Variants in DMXL1 observed in about 807,000 individuals in gnomAD.
The protein encoded by DMXL1 is dmX-like protein 1.
In DMXL1, 99 loss-of-function variants were observed where a neutral mutation model predicts 319.2. That is an observed-to-expected ratio of 0.31 (90% CI 0.26 to 0.37). The LOEUF (loss-of-function observed/expected upper bound fraction) is 0.37. Ranked by LOEUF, DMXL1 falls within the 10% of genes least tolerant of loss-of-function variation. DMXL1 has a pLI of 1.00. For missense variants in DMXL1, 3,745 were observed against 3,595.6 expected (o/e 1.04, Z -1.06); for synonymous variants, 1,385 against 1,235.2 (o/e 1.12, Z -2.54).
In DMXL1 at chr5:119,134,101, C is replaced by T. The variant is rs1312697686; in HGVS notation, c.2177C>T (p.Ala726Val). The change falls in exon 12 of 44, where the codon GCC (alanine) becomes GTC (valine). Residue 726 changes from alanine (A) to valine (V), a missense_variant. This residue lies in a region of DMXL1 where 2,096 missense variants were observed against 1,985.4 expected (regional missense o/e 1.06). Transcript: ENST00000539542. ...TTTTCTGGAGGAGTTTCTGAGCTTG[C>T]CCGGATTAATTCTCTTCATGTTTCT... ...LSFSGGVSELARINSLHVSAF... is the reference protein window; with the variant it reads ...LSFSGGVSELVRINSLHVSAF... The T allele has an allele frequency of 6.2e-7, 1 of 1,614,028 alleles. No individual in the cohort carries two copies. The highest frequency in any genetic ancestry group is 8.5e-7 in the Non-Finnish European group (1 of 1,180,038).
chr5:119,175,198 C>G, intron 25 of DMXL1, 63 bp from the exon 26 acceptor site: 1 of 1,311,396 alleles, frequency 7.6e-7, no homozygotes, highest in Non-Finnish European at 1.1e-6. Flanking sequence ...TATATTAGGT[C>G]TTGAAAAAAA....
In DMXL1 at chr5:119,096,638, AC is replaced by A. The variant is rs542015287; in HGVS notation, c.88-1338del. ...ATGAATCCTAGGAGAACAACCATGT[AC>A]CCTGTAATGGAAAAAACTCCCGTGA... On this transcript the variant is annotated intron_variant, in intron 1 of 43. Transcript: ENST00000539542. 6.4e-3 allele frequency among the ~76,000 whole-genome samples: 974 copies of A among 152,288 alleles called. 9 individuals carry two copies. Among genetic ancestry groups the A allele is most frequent in the Admixed American group, 0.012 (185 of 15,286 alleles).
At chr5:119,162,162 C>T (rs1261387123) in intron 19 of DMXL1, among the ~76,000 whole-genome samples, 1 of 152,124 alleles carries the variant, frequency 6.6e-6, no homozygotes, top group Non-Finnish European at 1.5e-5. Context: ...GGGATGGGAA[C>T]AGGTGATGTG....
chr5:119,122,709 G>T (rs187067824), intron 9 of DMXL1, among the ~76,000 whole-genome samples: 1 of 151,752 alleles, frequency 6.6e-6, no homozygotes, highest in African/African-American at 2.4e-5. Context: ...CAGACGGGGC[G>T]GCGGGGCAGA....
chr5:119,088,839 A>G (rs572448940), intron 1 of DMXL1, among the ~76,000 whole-genome samples: 18 of 152,146 alleles, frequency 1.2e-4, no homozygotes, highest in Non-Finnish European at 1.8e-4. Context: ...TGTCTCTTAA[A>G]AAGTTATTGT....
intron 9 of DMXL1, chr5:119,127,283 C>T (rs1763808031): frequency 4.5e-6 from 1 of 223,328 alleles, no homozygotes; most frequent in East Asian, 1.1e-4. Flanking sequence ...TCCTCTGACT[C>T]TCTTGCCATT....
intron 5 of DMXL1, among the ~76,000 whole-genome samples, chr5:119,111,654 C>G (rs1759629529): frequency 6.6e-6 from 1 of 152,038 alleles, no homozygotes; most frequent in African/African-American, 2.4e-5. Context: ...TTCTATAAAG[C>G]AAATTGTCCA....
In DMXL1 at chr5:119,121,073, A is replaced by G. The variant is rs145511612; in HGVS notation, c.1036A>G (p.Asn346Asp). The change falls in exon 9 of 44, where the codon AAC (asparagine) becomes GAC (aspartate). Residue 346 changes from asparagine (N) to aspartate (D), a missense_variant. Coordinates refer to ENST00000539542, the MANE Select transcript of DMXL1 (RefSeq NM_001290321.3). ...HQQDPHHVHR[N>D]TPLHANALCH... ...GCAGGATCCTCATCATGTTCACAGG[A>G]ACACTCCACTGCATGCCAATGCACT... is the stretch of plus-strand genomic sequence containing the variant. The G allele has an allele frequency of 9.9e-6, 16 of 1,613,416 alleles. No homozygotes were observed. The African/African-American group carries it at 1.9e-4, about 19-fold the overall frequency.
chr5:119,129,175 TA>T, intron 9 of DMXL1, 35 bp from the exon 10 acceptor site: 1 of 1,372,448 alleles, frequency 7.3e-7, no homozygotes, highest in Non-Finnish European at 1.0e-6. Context: ...TGCTAGAAGG[TA>T]AAAATTTTAA....
rs139865897 is a variant in DMXL1 at position 119,220,544 on chromosome 5, A to G, written c.8086A>G (p.Thr2696Ala). 1 of 1,613,990 alleles carries G rather than the reference A, an allele frequency of 6.2e-7. No homozygotes were observed. The highest frequency in any genetic ancestry group is 1.3e-5 in the African/African-American group (1 of 75,062). The part of the protein sequence containing the change: ...QELDVSGILA[T>A]QVYTWVDDDI... ...ACTGGATGTTTCTGGAATTCTGGCC[A>G]CACAGGTCTACACTTGGGTAGATGA... is the stretch of plus-strand genomic sequence containing the variant. The change falls in exon 36 of 44, where the codon ACA (threonine) becomes GCA (alanine). Residue 2696 changes from threonine to alanine, a missense_variant. Around this residue, in one of 4 missense-constraint regions of DMXL1, gnomAD observed 1,382 missense variants for 1,269.5 expected, o/e 1.09. Transcript: ENST00000539542.
chr5:119,222,144 T>C (rs1290593278), intron 37 of DMXL1, among the ~76,000 whole-genome samples: 1 of 152,156 alleles, frequency 6.6e-6, no homozygotes, highest in Non-Finnish European at 1.5e-5. Flanking sequence ...CCTAATGGAG[T>C]TCCTTTATAG....
At position 119,149,193 on chromosome 5, in the gene DMXL1, A is replaced by G; in HGVS notation, c.3366A>G (p.Gln1122=). 6.2e-7 allele frequency: 1 copy of G among 1,613,934 alleles called. No homozygotes were observed. The highest frequency in any genetic ancestry group is 8.5e-7 in the Non-Finnish European group (1 of 1,179,848). Residue 1122 remains glutamine (Q), a synonymous_variant, in exon 18 of 44, where the codon CAA becomes CAG. Coordinates refer to ENST00000539542, the MANE Select transcript of DMXL1 (RefSeq NM_001290321.3). ...GCAATTTAGTGGCCTATAATAAACA[A>G]GACATGTATTTATCTAGTAAAGAGA... ...VDSNLVAYNK[Q]DMYLSSKENI...
chr5:119,159,224 C>T (rs539562112), intron 19 of DMXL1, among the ~76,000 whole-genome samples: 6 of 152,092 alleles, frequency 3.9e-5, no homozygotes, highest in Admixed American at 2.0e-4. Context: ...CTTCTGCCCC[C>T]GGGTTTCAGG....
intron 29 of DMXL1, 139 bp downstream of exon 29, chr5:119,190,025 C>A (rs1778428463): frequency 1.4e-6 from 1 of 690,500 alleles, no homozygotes. Flanking sequence ...GGCTACATTC[C>A]AAAAATATAT....
At chr5:119,087,801 T>C (rs1249194109) in intron 1 of DMXL1, among the ~76,000 whole-genome samples, 5 of 152,086 alleles carry the variant, frequency 3.3e-5, no homozygotes, top group Non-Finnish European at 7.4e-5. Flanking sequence ...GTTTGCTTTA[T>C]TTTTATTATT....
intron 38 of DMXL1, among the ~76,000 whole-genome samples, chr5:119,228,265 G>A (rs1785968207): frequency 6.6e-6 from 1 of 152,180 alleles, no homozygotes; most frequent in Non-Finnish European, 1.5e-5. Flanking sequence ...TGAAGACAGA[G>A]CACTTTAGGA....
intron 38 of DMXL1, among the ~76,000 whole-genome samples, chr5:119,229,996 G>A (rs192892924): frequency 5.3e-5 from 8 of 152,240 alleles, no homozygotes; most frequent in Non-Finnish European, 8.8e-5. Context: ...ATGTAATTTG[G>A]AAGTGATCTA....
intron 25 of DMXL1, among the ~76,000 whole-genome samples, chr5:119,172,676 A>T (rs1774827511): frequency 6.6e-6 from 1 of 152,238 alleles, no homozygotes; most frequent in Non-Finnish European, 1.5e-5. Context: ...CTTTTCAGAC[A>T]TATTGAAATC....
intron 9 of DMXL1, among the ~76,000 whole-genome samples, chr5:119,125,598 T>G (rs1362940927): frequency 6.6e-6 from 1 of 152,192 alleles, no homozygotes. Flanking sequence ...GAAGTCTCAC[T>G]CTGTTGCCCA....
Sources: allele counts gnomAD v4.1 joint callset (sites outside exome capture counted in the v4.1 genomes callset), GRCh38; gene constraint gnomAD v4.1.1; regional missense constraint gnomAD v4.1.1; transcripts MANE v1.5; gene names NCBI Gene and HGNC (gene_info 2026-07-23, HGNC 2026-07-21).